Variants in SAMMSON observed in about 807,000 individuals in gnomAD.
SAMMSON encodes survival associated mitochondrial melanoma specific oncogenic non-coding RNA, also known as long intergenic non-protein coding RNA 1212.
intron 3 of SAMMSON, chr3:70,014,860 AAC>A (rs1172792820): frequency 1.3e-5 from 2 of 152,176 alleles, no homozygotes; most frequent in Non-Finnish European, 2.9e-5. Flanking sequence ...CTGTGTCCTG[AAC>A]ACAGAGTAAT....
At chr3:70,238,831 A>G (rs1395169450) in intron 4 of SAMMSON, among the ~76,000 whole-genome samples, 1 of 151,924 alleles carries the variant, frequency 6.6e-6, no homozygotes, top group Non-Finnish European at 1.5e-5. Context: ...ATGACCTGTA[A>G]TGGAAAGAGA....
chr3:70,261,470 G>T (rs1701866583), intron 6 of SAMMSON, among the ~76,000 whole-genome samples: 1 of 152,168 alleles, frequency 6.6e-6, no homozygotes, highest in Non-Finnish European at 1.5e-5. Flanking sequence ...GGTTGTGTTT[G>T]TACTTTCCTT....
chr3:70,107,405 G>C (rs1043230116), intron 4 of SAMMSON, among the ~76,000 whole-genome samples: 1 of 152,086 alleles, frequency 6.6e-6, no homozygotes, highest in African/African-American at 2.4e-5. Context: ...AATTGGGAGT[G>C]GTCTCGGTTT....
chr3:70,411,327 G>C (rs1192109572), intron 2 of SAMMSON, among the ~76,000 whole-genome samples: 1 of 152,198 alleles, frequency 6.6e-6, no homozygotes, highest in African/African-American at 2.4e-5. Context: ...AAGTGAAGTA[G>C]TTCTTGATTT....
chr3:70,297,369 C>T (rs1702301048), intron 7 of SAMMSON, among the ~76,000 whole-genome samples: 1 of 151,990 alleles, frequency 6.6e-6, no homozygotes, highest in Non-Finnish European at 1.5e-5. Flanking sequence ...AACTGGATAT[C>T]TTGGTGGAGA....
At chr3:70,414,404 T>C (rs1039893112) in intron 2 of SAMMSON, among the ~76,000 whole-genome samples, 1 of 152,096 alleles carries the variant, frequency 6.6e-6, no homozygotes, top group Admixed American at 6.6e-5. Flanking sequence ...AAAAATGAAA[T>C]GTATGTTTTC....
chr3:70,407,598 A>T (rs991611927), intron 2 of SAMMSON, among the ~76,000 whole-genome samples: 3 of 152,220 alleles, frequency 2.0e-5, no homozygotes, highest in African/African-American at 7.2e-5. Context: ...CATCCAGGTT[A>T]TGCTGATGGA....
At chr3:70,230,679 A>G (rs975841341) in intron 4 of SAMMSON, among the ~76,000 whole-genome samples, 1 of 152,172 alleles carries the variant, frequency 6.6e-6, no homozygotes, top group African/African-American at 2.4e-5. Context: ...TTGATAATCA[A>G]TTCTAGGTTT....
intron 4 of SAMMSON, among the ~76,000 whole-genome samples, chr3:70,186,418 T>A (rs745502080): frequency 2.0e-4 from 30 of 152,018 alleles, no homozygotes; most frequent in Admixed American, 3.9e-4. Context: ...CCACCATGCC[T>A]GGCTAATTTT....
chr3:70,130,096 C>T (rs2067476169), intron 4 of SAMMSON, among the ~76,000 whole-genome samples: 1 of 152,130 alleles, frequency 6.6e-6, no homozygotes, highest in Non-Finnish European at 1.5e-5. Flanking sequence ...CTCCCATGCC[C>T]CCTCTTTATG....
chr3:70,039,704 C>T (rs760334152), intron 3 of SAMMSON, among the ~76,000 whole-genome samples: 1 of 151,518 alleles, frequency 6.6e-6, no homozygotes, highest in Non-Finnish European at 1.5e-5. Context: ...GTCTCTGTCT[C>T]AGGGGAGGTG....
intron 3 of SAMMSON, chr3:70,015,239 C>G (rs1456237600): frequency 6.6e-6 from 1 of 152,154 alleles, no homozygotes; most frequent in Non-Finnish European, 1.5e-5. Flanking sequence ...CAAGATCATG[C>G]CACTGCACTG....
At chr3:70,065,632 G>T (rs1331222278) in intron 3 of SAMMSON, among the ~76,000 whole-genome samples, 2 of 152,032 alleles carry the variant, frequency 1.3e-5, no homozygotes, top group African/African-American at 4.8e-5. Flanking sequence ...TGTCCTCTGT[G>T]GGACATATGG....
intron 4 of SAMMSON, among the ~76,000 whole-genome samples, chr3:70,216,140 A>G (rs1051580909): frequency 3.3e-5 from 5 of 151,616 alleles, no homozygotes; most frequent in African/African-American, 1.2e-4. Flanking sequence ...TTATAGATGT[A>G]TATGTATATA....
chr3:70,106,683 C>T (rs1471568162), intron 4 of SAMMSON, among the ~76,000 whole-genome samples: 2 of 152,136 alleles, frequency 1.3e-5, no homozygotes, highest in African/African-American at 4.8e-5. Context: ...CCCATGCTGA[C>T]GGTCTCTGGA....
chr3:70,270,489 T>C (rs1277565463), intron 6 of SAMMSON, among the ~76,000 whole-genome samples: 1 of 152,196 alleles, frequency 6.6e-6, no homozygotes, highest in Non-Finnish European at 1.5e-5. Flanking sequence ...CTCATTATTG[T>C]CAGTACTGGG....
rs1196239719 is a variant in SAMMSON at position 70,250,580 on chromosome 3, G to C, written n.674+910G>C. On this transcript the variant is annotated intron_variant and non_coding_transcript_variant, in intron 6 of 9. Transcript: ENST00000642114. ...ATTAAACTATTCGGGTGGAAAAATA[G>C]TCTCTGAGCAGCCAGTTTGGCAAAG... 3.3e-5 allele frequency among the ~76,000 whole-genome samples: 5 copies of C among 152,084 alleles called. No homozygotes were observed. In the East Asian group the frequency reaches 7.7e-4, roughly 23 times the overall value.
intron 3 of SAMMSON, among the ~76,000 whole-genome samples, chr3:70,043,752 A>G (rs2067114176): frequency 6.6e-6 from 1 of 152,106 alleles, no homozygotes; most frequent in African/African-American, 2.4e-5. Flanking sequence ...TAACAATTAG[A>G]TATTCATTCA....
At chr3:70,191,267 G>C (rs1301597331) in intron 4 of SAMMSON, among the ~76,000 whole-genome samples, 2 of 152,130 alleles carry the variant, frequency 1.3e-5, no homozygotes, top group African/African-American at 4.8e-5. Context: ...CCATAAAAGA[G>C]GTTAGCATGA....
Sources: gnomAD v4.1 joint callset for allele counts (sites outside exome capture counted in the v4.1 genomes callset) on GRCh38, gnomAD v4.1.1 for gene constraint, MANE v1.5 for transcripts, NCBI Gene and HGNC (gene_info 2026-07-23, HGNC 2026-07-21) for gene names.